The following ARHGAP6 variants were observed in gnomAD, a reference collection of about 807,000 sequenced individuals.
ARHGAP6 encodes rho GTPase-activating protein 6.
In ARHGAP6, 16 loss-of-function variants were observed where a neutral mutation model predicts 55.7. That is an observed-to-expected ratio of 0.29 (90% CI 0.19 to 0.44). The LOEUF is 0.44. ARHGAP6 is among the 20% of genes least tolerant of loss of function. ARHGAP6 has a pLI of 1.00. For synonymous variants in ARHGAP6, 382 were observed against 360.9 expected (o/e 1.06, Z -0.66); for missense variants, 698 against 808.9 (o/e 0.86, Z 1.66).
intron 1 of ARHGAP6, among the ~76,000 whole-genome samples, chrX:11,317,950 G>C (rs1392765051): frequency 8.9e-6 from 1 of 112,027 alleles, no homozygotes; most frequent in African/African-American, 3.2e-5. Flanking sequence ...AAATATTAGG[G>C]AAAGTGCCAT....
intron 1 of ARHGAP6, among the ~76,000 whole-genome samples, chrX:11,530,087 C>A (rs1159907387): frequency 1.8e-5 from 2 of 111,499 alleles, no homozygotes; most frequent in Non-Finnish European, 3.8e-5. Context: ...TTTCCCATCC[C>A]CATCTACCAA....
chrX:11,355,572 T>C (rs2048921164), intron 1 of ARHGAP6, among the ~76,000 whole-genome samples: 1 of 112,284 alleles, frequency 8.9e-6, no homozygotes, highest in Non-Finnish European at 1.9e-5. Flanking sequence ...GGAGACTATA[T>C]CTAAAGAAAA....
intron 1 of ARHGAP6, among the ~76,000 whole-genome samples, chrX:11,432,965 A>T (rs2049954581): frequency 8.9e-6 from 1 of 112,927 alleles, no homozygotes; most frequent in Admixed American, 9.3e-5. Context: ...CTCTATAGCC[A>T]TAATTTCTTC....
chrX:11,150,342 A>G (rs1467870101), intron 10 of ARHGAP6, among the ~76,000 whole-genome samples: 1 of 111,485 alleles, frequency 9.0e-6, no homozygotes, highest in Non-Finnish European at 1.9e-5. Flanking sequence ...TTAGTTCTGC[A>G]AAGCATCCCT....
At chrX:11,428,558 A>G (rs908053323) in intron 1 of ARHGAP6, among the ~76,000 whole-genome samples, 3 of 111,944 alleles carry the variant, frequency 2.7e-5, no homozygotes, top group Non-Finnish European at 5.6e-5. Context: ...GCCAGAGTAG[A>G]GACTCCAGAC....
At chrX:11,200,776 T>G (rs1345870262) in intron 2 of ARHGAP6, among the ~76,000 whole-genome samples, 1 of 112,441 alleles carries the variant, frequency 8.9e-6, no homozygotes, top group East Asian at 2.8e-4. Context: ...GGGTTGGGTC[T>G]GAGCAATGAA....
chrX:11,346,759 GAAAGA>G (rs1463544486), intron 1 of ARHGAP6, among the ~76,000 whole-genome samples: 9 of 109,711 alleles, frequency 8.2e-5, no homozygotes, highest in Non-Finnish European at 1.1e-4. Context: ...AAGAAAGAGA[GAAAGA>G]AAAGAAAAGA....
intron 1 of ARHGAP6, among the ~76,000 whole-genome samples, chrX:11,567,566 A>AAAAAAAAAAAAAAAAATATATATAT (rs1440758737): frequency 1.1e-4 from 9 of 84,397 alleles, no homozygotes; most frequent in Non-Finnish European, 1.2e-4. Flanking sequence ...AAAAAAAAAA[A>AAAAAAAAAAAAAAAAATATATATAT]ATATATATAT....
At chrX:11,506,339 CATCAACCT>C (rs1488498933) in intron 1 of ARHGAP6, among the ~76,000 whole-genome samples, 1 of 110,860 alleles carries the variant, frequency 9.0e-6, no homozygotes, top group Non-Finnish European at 1.9e-5. Flanking sequence ...TTGCCGCACC[CATCAACCT>C]ATCACCTACA....
At chrX:11,645,305 CA>C (rs2052515418) in intron 1 of ARHGAP6, among the ~76,000 whole-genome samples, 1 of 110,595 alleles carries the variant, frequency 9.0e-6, no homozygotes, top group African/African-American at 3.3e-5. Context: ...AATTATACTC[CA>C]AAAGAAAAAA....
At chrX:11,162,336 C>A (rs1181222827) in intron 9 of ARHGAP6, among the ~76,000 whole-genome samples, 1 of 90,630 alleles carries the variant, frequency 1.1e-5, no homozygotes, top group Non-Finnish European at 2.2e-5. Flanking sequence ...AAACTGTGCC[C>A]CCCCCCCCAT....
intron 1 of ARHGAP6, among the ~76,000 whole-genome samples, chrX:11,603,985 G>C (rs2052005922): frequency 8.9e-6 from 1 of 112,055 alleles, no homozygotes; most frequent in South Asian, 3.7e-4. Flanking sequence ...ACTGCAGTCA[G>C]TTTGGTTTGG....
intron 8 of ARHGAP6, among the ~76,000 whole-genome samples, chrX:11,175,617 G>A (rs1396144845): frequency 1.8e-5 from 2 of 111,699 alleles, no homozygotes; most frequent in Non-Finnish European, 3.8e-5. Flanking sequence ...GCTATCAAGC[G>A]CTCTCAACCA....
intron 9 of ARHGAP6, among the ~76,000 whole-genome samples, chrX:11,161,164 A>C (rs760119993): frequency 1.9e-4 from 21 of 112,345 alleles, no homozygotes; most frequent in Non-Finnish European, 3.4e-4. Context: ...AACAGCACCC[A>C]GTACTGTTTT....
intron 10 of ARHGAP6, chrX:11,148,513 G>C (rs1444175896): frequency 8.6e-6 from 2 of 232,619 alleles, no homozygotes; most frequent in Non-Finnish European, 1.7e-5. Flanking sequence ...CTCCATGCAT[G>C]GAGGGTTTCC....
chrX:11,610,792 C>T (rs2052093578), intron 1 of ARHGAP6, among the ~76,000 whole-genome samples: 1 of 111,746 alleles, frequency 8.9e-6, no homozygotes, highest in Non-Finnish European at 1.9e-5. Flanking sequence ...AAAGAAATCC[C>T]ATCTATGTCC....
At chrX:11,529,376 T>C (rs1569384556) in intron 1 of ARHGAP6, among the ~76,000 whole-genome samples, 1 of 112,064 alleles carries the variant, frequency 8.9e-6, no homozygotes, top group African/African-American at 3.2e-5. Flanking sequence ...TTTTGTAAAA[T>C]GTAATAAAAA....
intron 1 of ARHGAP6, among the ~76,000 whole-genome samples, chrX:11,386,688 T>C (rs1256198808): frequency 8.9e-6 from 1 of 111,966 alleles, no homozygotes; most frequent in Non-Finnish European, 1.9e-5. Flanking sequence ...AAAACTTACT[T>C]TCCCAGCATC....
At chrX:11,256,306 T>C (rs2147489208) in intron 1 of ARHGAP6, among the ~76,000 whole-genome samples, 1 of 111,931 alleles carries the variant, frequency 8.9e-6, no homozygotes, top group South Asian at 3.8e-4. Flanking sequence ...GGAGAATCGC[T>C]TGAACCTGGG....
Sources: allele counts gnomAD v4.1 joint callset (sites outside exome capture counted in the v4.1 genomes callset), GRCh38; gene constraint gnomAD v4.1.1; transcripts MANE v1.5; gene names NCBI Gene and HGNC (gene_info 2026-07-23, HGNC 2026-07-21).